NRG4: variants seen among roughly 807,000 people sequenced by gnomAD.
NRG4 encodes the protein neuregulin 4, also known as pro-neuregulin-4, membrane-bound isoform.
Under a neutral mutation model 15.0 loss-of-function variants are expected in NRG4, and 10 were observed. The observed-to-expected ratio is 0.67, with a 90% CI of 0.41 to 1.13. NRG4 has a LOEUF of 1.13. Ranked by LOEUF, NRG4 falls within the 50% of genes most tolerant of loss-of-function variation. NRG4 has a pLI of 0.00. For synonymous variants in NRG4, 41 were observed against 50.1 expected (o/e 0.82, Z 0.77); for missense variants, 139 against 140.2 (o/e 0.99, Z 0.04).
intron 3 of NRG4, among the ~76,000 whole-genome samples, chr15:76,003,658 G>C (rs2034492838): frequency 1.3e-5 from 2 of 152,046 alleles, no homozygotes; most frequent in South Asian, 2.1e-4. Context: ...ACTTGTAAAA[G>C]CCAAAGAGAG....
At chr15:75,943,716 C>G in intron 5 of NRG4, 62 bp from the exon 6 acceptor site, 3 of 1,021,298 alleles carry the variant, frequency 2.9e-6, no homozygotes, top group Non-Finnish European at 4.6e-6. Context: ...ACTACGCACA[C>G]CTATCTACAT....
intron 3 of NRG4, among the ~76,000 whole-genome samples, chr15:76,000,136 G>A (rs905776604): frequency 6.6e-6 from 1 of 152,022 alleles, no homozygotes; most frequent in African/African-American, 2.4e-5. Context: ...CACCCACCTC[G>A]GCCTCCTAAA....
At chr15:75,948,005 C>G (rs74624462) in intron 5 of NRG4, among the ~76,000 whole-genome samples, 1 of 152,062 alleles carries the variant, frequency 6.6e-6, no homozygotes, top group East Asian at 1.9e-4. Context: ...GAATTAGGTT[C>G]TTCTACTTGT....
At chr15:75,957,630 C>T (rs188033050) in intron 4 of NRG4, among the ~76,000 whole-genome samples, 41 of 152,244 alleles carry the variant, frequency 2.7e-4, no homozygotes, top group Admixed American at 9.2e-4. Context: ...CTAACATCTA[C>T]GGGTAACTTT....
At chr15:76,033,317 G>A (rs2141944148) in intron 5 of NRG4, among the ~76,000 whole-genome samples, 1 of 152,190 alleles carries the variant, frequency 6.6e-6, no homozygotes, top group East Asian at 1.9e-4. Flanking sequence ...GCACATTAGG[G>A]GACCAAGGCA....
At chr15:75,998,541 G>A (rs182555818) in intron 3 of NRG4, among the ~76,000 whole-genome samples, 2 of 152,260 alleles carry the variant, frequency 1.3e-5, no homozygotes, top group Admixed American at 1.3e-4. Flanking sequence ...AGTAGATTGA[G>A]CAATTAGATA....
At chr15:76,059,178 T>C (rs183005841) in intron 1 of NRG4, among the ~76,000 whole-genome samples, 3 of 152,206 alleles carry the variant, frequency 2.0e-5, no homozygotes, top group Non-Finnish European at 4.4e-5. Context: ...AAGAGTCAGA[T>C]AACGAAAAAC....
chr15:75,988,535 T>C (rs2033886472), intron 3 of NRG4, among the ~76,000 whole-genome samples: 1 of 152,218 alleles, frequency 6.6e-6, no homozygotes, highest in Non-Finnish European at 1.5e-5. Context: ...ATTTCACAAA[T>C]TTCTCAGGTG....
At chr15:75,936,370 G>A (rs945895375), downstream of NRG4, 1 of 152,128 alleles carries the variant, frequency 6.6e-6, no homozygotes, top group African/African-American at 2.4e-5. Context: ...AAGTGAATAC[G>A]ATATAAAGAA....
chr15:75,978,947 C>T (rs2033486143), intron 3 of NRG4, among the ~76,000 whole-genome samples: 1 of 152,158 alleles, frequency 6.6e-6, no homozygotes, highest in Non-Finnish European at 1.5e-5. Flanking sequence ...GCTATATCTC[C>T]ACTTTTTTCA....
intron 2 of NRG4, chr15:76,053,201 T>G (rs1345098777): frequency 6.6e-6 from 1 of 151,000 alleles, no homozygotes; most frequent in African/African-American, 2.5e-5. Flanking sequence ...TACTTAATGA[T>G]TCCTCAAACT....
At chr15:75,984,414 G>A (rs1056853911) in intron 3 of NRG4, among the ~76,000 whole-genome samples, 1 of 152,058 alleles carries the variant, frequency 6.6e-6, no homozygotes, top group Admixed American at 6.6e-5. Flanking sequence ...TAGACTGGAT[G>A]AAGAAAATGT....
intron 3 of NRG4, among the ~76,000 whole-genome samples, chr15:75,994,430 A>T (rs1312803418): frequency 1.3e-5 from 2 of 152,232 alleles, no homozygotes; most frequent in African/African-American, 4.8e-5. Context: ...GGCTGTCCTC[A>T]GGCAACAAGC....
At chr15:75,975,409 T>C (rs1454175432) in intron 3 of NRG4, among the ~76,000 whole-genome samples, 1 of 152,224 alleles carries the variant, frequency 6.6e-6, no homozygotes, top group African/African-American at 2.4e-5. Flanking sequence ...AGCTGGTTAT[T>C]TTGCCTGTTA....
At chr15:75,955,786 C>A (rs2032199679) in intron 5 of NRG4, 146 bp downstream of exon 5, 2 of 488,700 alleles carry the variant, frequency 4.1e-6, no homozygotes, top group Non-Finnish European at 3.5e-6. Context: ...AAAAAGGGTA[C>A]CTGGCCAAAA....
At chr15:75,940,631 T>G (rs1261339980), downstream of NRG4, 1 of 152,078 alleles carries the variant, frequency 6.6e-6, no homozygotes, top group East Asian at 1.9e-4. Flanking sequence ...GATTCTGGCA[T>G]AAAGGCAGAC....
intron 1 of NRG4, 170 bp downstream of exon 1, chr15:76,012,145 CTCTT>C (rs2034832152): frequency 6.6e-6 from 1 of 151,904 alleles, no homozygotes; most frequent in Non-Finnish European, 1.5e-5. Context: ...AAGCCAACAG[CTCTT>C]TCTTAGACAA....
At chr15:75,989,069 G>A (rs1420499036) in intron 3 of NRG4, among the ~76,000 whole-genome samples, 2 of 151,888 alleles carry the variant, frequency 1.3e-5, no homozygotes, top group African/African-American at 4.8e-5. Flanking sequence ...TGTTGTCCAG[G>A]CTGGTCTTGA....
intron 5 of NRG4, among the ~76,000 whole-genome samples, chr15:76,022,836 A>G (rs1205243061): frequency 1.3e-5 from 2 of 152,148 alleles, no homozygotes; most frequent in Admixed American, 6.5e-5. Flanking sequence ...CAGTGTGGGA[A>G]ACAAATTGGA....
Sources: gnomAD v4.1 joint callset for allele counts (sites outside exome capture counted in the v4.1 genomes callset) on GRCh38, gnomAD v4.1.1 for gene constraint, MANE v1.5 for transcripts, NCBI Gene and HGNC (gene_info 2026-07-23, HGNC 2026-07-21) for gene names.